Variants in PHACTR1 observed in about 807,000 individuals in gnomAD.
PHACTR1 encodes phosphatase and actin regulator 1.
A neutral mutation model predicts 69.2 loss-of-function variants in PHACTR1; 16 were observed. That is an observed-to-expected ratio of 0.23 (90% CI 0.16 to 0.35). The LOEUF is 0.35. Ranked by LOEUF, PHACTR1 falls within the 10% of genes least tolerant of loss-of-function variation. The probability of loss-of-function intolerance (pLI) is 1.00; values close to 1 mark genes in which losing one functional copy is unlikely to be tolerated. For synonymous variants in PHACTR1, 312 were observed against 284.5 expected (o/e 1.10, Z -0.97); for missense variants, 510 against 734.7 (o/e 0.69, Z 3.54).
In PHACTR1 at chr6:12,792,491, A is replaced by AAAAAAAAAG. The variant is rs1772442446; in HGVS notation, c.250+42703_250+42704insAAAAAAGAA. Among the ~76,000 whole-genome samples, 3 of 140,940 alleles carry AAAAAAAAAG rather than the reference A, an allele frequency of 2.1e-5. No individual in the cohort carries two copies. In the East Asian group the frequency reaches 5.9e-4, roughly 28 times the overall value. 92.5% of individuals were successfully genotyped at this position (140,940 alleles called of 152,430 possible). On this transcript the variant is annotated intron_variant, in intron 4 of 14. Transcript: ENST00000332995. ...AAAAAAAAAAAAAAAAAAAAAAAAA[A>AAAAAAAAAG]AAGAAGATTTCTGACATCATCCTGA...
intron 4 of PHACTR1, among the ~76,000 whole-genome samples, chr6:12,754,855 T>C (rs1257172390): frequency 6.6e-6 from 1 of 152,242 alleles, no homozygotes; most frequent in East Asian, 1.9e-4. Flanking sequence ...GTATTATAAG[T>C]AATCTAGAGA....
intron 5 of PHACTR1, among the ~76,000 whole-genome samples, chr6:13,097,439 GT>G (rs1270410846): frequency 6.6e-6 from 1 of 151,516 alleles, no homozygotes; most frequent in African/African-American, 2.4e-5. Context: ...ATTTATTTTT[GT>G]TGTTACACTG....
intron 4 of PHACTR1, among the ~76,000 whole-genome samples, chr6:13,048,244 T>G (rs1417093422): frequency 6.6e-6 from 1 of 152,180 alleles, no homozygotes; most frequent in African/African-American, 2.4e-5. Context: ...CTGCCCAGCT[T>G]CCAACGTTTT....
At chr6:13,079,571 C>T (rs1001121732) in intron 5 of PHACTR1, among the ~76,000 whole-genome samples, 1 of 151,952 alleles carries the variant, frequency 6.6e-6, no homozygotes, top group African/African-American at 2.4e-5. Context: ...GATTGCTGGC[C>T]AAAGAATGCT....
chr6:13,065,034 C>T (rs1467507888), intron 5 of PHACTR1, among the ~76,000 whole-genome samples: 2 of 152,004 alleles, frequency 1.3e-5, no homozygotes, highest in East Asian at 3.9e-4. Flanking sequence ...TTGACTAAGT[C>T]AGATACACTG....
At chr6:12,735,775 C>T (rs1764161881) in intron 3 of PHACTR1, among the ~76,000 whole-genome samples, 1 of 152,208 alleles carries the variant, frequency 6.6e-6, no homozygotes, top group Admixed American at 6.5e-5. Context: ...TTGGGAGCTA[C>T]ATCCTTCAAG....
chr6:13,093,898 GTT>G (rs1303351723), intron 5 of PHACTR1, among the ~76,000 whole-genome samples: 1 of 152,096 alleles, frequency 6.6e-6, no homozygotes, highest in Non-Finnish European at 1.5e-5. Context: ...TTGAGACAGG[GTT>G]TTGCTCTGTC....
intron 8 of PHACTR1, among the ~76,000 whole-genome samples, chr6:13,213,258 C>A (rs1303430617): frequency 6.6e-6 from 1 of 152,182 alleles, no homozygotes; most frequent in African/African-American, 2.4e-5. Context: ...GGTCTTTAAC[C>A]TTTTATATTT....
chr6:12,749,541 C>T lies in PHACTR1; in HGVS notation c.104-103C>T, dbSNP rs532368291. The T allele has an allele frequency of 1.0e-4, 43 of 415,278 alleles. No homozygotes were observed. The East Asian group carries it at 3.5e-3, about 33-fold the overall frequency. 25.7% of individuals were successfully genotyped at this position (415,278 alleles called of 1,614,324 possible). ...CCTCCCCACCCCTTCCCTTCCTCTC[C>T]CCTCCCCCTTCCCCTCCCCCTCCCC... On this transcript the variant is annotated intron_variant, in intron 3 of 14. Transcript: ENST00000332995.
At chr6:13,027,164 G>C (rs747260771) in intron 4 of PHACTR1, among the ~76,000 whole-genome samples, 1 of 152,160 alleles carries the variant, frequency 6.6e-6, no homozygotes, top group Non-Finnish European at 1.5e-5. Context: ...ACCGGGTACC[G>C]AGTACCTGCT....
rs565719933 is a variant in PHACTR1, at chr6:13,220,690, A to G, written c.987-7126A>G. Among the ~76,000 whole-genome samples, 9 of 152,294 alleles carry G rather than the reference A, an allele frequency of 5.9e-5. 1 individual carries two copies. The highest frequency in any genetic ancestry group is 2.0e-4 in the Admixed American group (3 of 15,302). On this transcript the variant is annotated intron_variant, in intron 8 of 14. Coordinates refer to ENST00000332995, the MANE Select transcript of PHACTR1 (RefSeq NM_030948.6). ...TTAGGAAAAAGACCTCTAGAGCACT[A>G]TTTCCAAAAATCCTAATGCTCCTTT...
chr6:13,155,504 A>G (rs1176564817), intron 5 of PHACTR1, among the ~76,000 whole-genome samples: 1 of 152,152 alleles, frequency 6.6e-6, no homozygotes, highest in Non-Finnish European at 1.5e-5. Context: ...CTTTGACCCC[A>G]CTGAAACTTA....
At chr6:13,008,072 T>C (rs979723862) in intron 4 of PHACTR1, among the ~76,000 whole-genome samples, 4 of 152,214 alleles carry the variant, frequency 2.6e-5, no homozygotes, top group Non-Finnish European at 5.9e-5. Flanking sequence ...AACTAGATTG[T>C]TTTATGCAAT....
At chr6:13,256,389 C>T (rs1167291097) in intron 10 of PHACTR1, among the ~76,000 whole-genome samples, 2 of 152,240 alleles carry the variant, frequency 1.3e-5, no homozygotes, top group Non-Finnish European at 2.9e-5. Context: ...GCTATTAGCA[C>T]TTAGCTCCTT....
chr6:12,941,838 A>G (rs1251522333), intron 4 of PHACTR1, among the ~76,000 whole-genome samples: 1 of 152,228 alleles, frequency 6.6e-6, no homozygotes, highest in Non-Finnish European at 1.5e-5. Flanking sequence ...ATAGAAAAAT[A>G]TGTAAAGTGA....
intron 4 of PHACTR1, among the ~76,000 whole-genome samples, chr6:13,013,790 C>T (rs566663078): frequency 4.0e-5 from 6 of 149,662 alleles, no homozygotes; most frequent in African/African-American, 1.5e-4. Flanking sequence ...GAGCGGCCGG[C>T]GCGGGCGGGG....
intron 4 of PHACTR1, among the ~76,000 whole-genome samples, chr6:12,765,985 T>C (rs555940075): frequency 8.5e-5 from 13 of 152,278 alleles, no homozygotes; most frequent in Admixed American, 8.5e-4. Flanking sequence ...AATGCAGAAG[T>C]TGAAATGAAG....
chr6:13,229,687 G>A (rs1046251141), intron 9 of PHACTR1, among the ~76,000 whole-genome samples: 11 of 151,992 alleles, frequency 7.2e-5, no homozygotes, highest in African/African-American at 2.2e-4. Context: ...CCTCCTCCTC[G>A]TGAAACTTCC....
chr6:13,188,672 G>C (rs1378643487), intron 7 of PHACTR1, among the ~76,000 whole-genome samples: 1 of 152,186 alleles, frequency 6.6e-6, no homozygotes, highest in African/African-American at 2.4e-5. Flanking sequence ...AATTAATTTG[G>C]AGAGTATTTG....
Sources: allele counts gnomAD v4.1 joint callset (sites outside exome capture counted in the v4.1 genomes callset), GRCh38; gene constraint gnomAD v4.1.1; transcripts MANE v1.5; gene names NCBI Gene and HGNC (gene_info 2026-07-23, HGNC 2026-07-21).